Variants in RIN3 observed in about 807,000 individuals in gnomAD.
RIN3 encodes the protein Ras and Rab interactor 3, also known as RAB5 interacting protein 3.
Under a neutral mutation model 76.3 loss-of-function variants are expected in RIN3, and 54 were observed. The observed-to-expected ratio is 0.71, with a 90% CI of 0.57 to 0.89. The LOEUF is 0.89. Ranked by LOEUF, RIN3 falls within the 40% of genes least tolerant of loss-of-function variation. The pLI is 0.00. For synonymous variants in RIN3, 576 were observed against 564.0 expected (o/e 1.02, Z -0.30); for missense variants, 1,256 against 1,322.1 (o/e 0.95, Z 0.78).
intron 5 of RIN3, 134 bp from the exon 6 acceptor site, chr14:92,651,442 ACAACCT>A (rs11278412): frequency 1 from 554,011 of 556,486 alleles, 275,819 homozygotes; most frequent in East Asian, 1. Flanking sequence ...AGAGGGGAAA[ACAACCT>A]CAACCTCGGA....
chr14:92,631,616 G>T (rs569175280), intron 4 of RIN3, among the ~76,000 whole-genome samples: 4 of 151,558 alleles, frequency 2.6e-5, no homozygotes, highest in South Asian at 2.1e-4. Context: ...GGCGGCGGGA[G>T]TGGGGGTTGG....
At chr14:92,528,896 C>T (rs1348466389) in intron 1 of RIN3, among the ~76,000 whole-genome samples, 1 of 152,132 alleles carries the variant, frequency 6.6e-6, no homozygotes, top group Non-Finnish European at 1.5e-5. Flanking sequence ...ATGCAGCTGC[C>T]ACAAGTAGCC....
chr14:92,672,853 C>T lies in RIN3; in HGVS notation c.2336-3622C>T, dbSNP rs577121582. Among the ~76,000 whole-genome samples the T allele has an allele frequency of 2.0e-5, 3 of 152,290 alleles. No individual in the cohort carries two copies. In the East Asian group the frequency reaches 5.8e-4, roughly 29 times the overall value. The stretch of plus-strand genomic sequence containing the variant: ...TTTTCTGCCCAGCTCCAGGCAACCA[C>T]TCATCTGCTTTCTGTTTGTGGGTTT... On this transcript the variant is annotated intron_variant, in intron 7 of 9. Transcript: ENST00000216487.
chr14:92,638,291 C>T (rs114991686), intron 4 of RIN3, among the ~76,000 whole-genome samples: 1 of 152,138 alleles, frequency 6.6e-6, no homozygotes, highest in Non-Finnish European at 1.5e-5. Flanking sequence ...TGGGGCACAC[C>T]CACTAGAGGA....
At chr14:92,636,134 G>A (rs1363582140) in intron 4 of RIN3, among the ~76,000 whole-genome samples, 1 of 152,154 alleles carries the variant, frequency 6.6e-6, no homozygotes, top group Non-Finnish European at 1.5e-5. Context: ...AGGATTTAAA[G>A]AGCTAATATA....
intron 2 of RIN3, among the ~76,000 whole-genome samples, chr14:92,558,226 G>A (rs1011287016): frequency 3.3e-5 from 5 of 152,170 alleles, no homozygotes; most frequent in African/African-American, 1.2e-4. Context: ...GTGTGCACTT[G>A]TAATCCCAGC....
chr14:92,649,438 G>A (rs1449428053), intron 5 of RIN3, among the ~76,000 whole-genome samples: 1 of 151,938 alleles, frequency 6.6e-6, no homozygotes, highest in African/African-American at 2.4e-5. Context: ...ACTCACTCCA[G>A]GGGCCTGTGT....
chr14:92,662,098 G>T (rs1887909200), intron 7 of RIN3, among the ~76,000 whole-genome samples: 1 of 152,258 alleles, frequency 6.6e-6, no homozygotes. Flanking sequence ...GGGACCCAGG[G>T]AAAGAGTCGA....
rs113582548 is a variant in RIN3, at chr14:92,608,825, G to A, written c.368-6582G>A. On this transcript the variant is annotated intron_variant, in intron 3 of 9. Coordinates refer to ENST00000216487, the MANE Select transcript of RIN3 (RefSeq NM_024832.5). ...GCTGGGATTACAGGTGTGAGCCACCGTGCCCAGCCTCTCTCTCTTAGCATT... is the reference window on the plus strand; with the variant it reads ...GCTGGGATTACAGGTGTGAGCCACCATGCCCAGCCTCTCTCTCTTAGCATT... Among the ~76,000 whole-genome samples the A allele has an allele frequency of 9.4e-4, 143 of 152,202 alleles. 1 individual carries two copies. Among genetic ancestry groups the A allele is most frequent in the African/African-American group, 3.1e-3 (127 of 41,522 alleles).
At chr14:92,662,690 C>T (rs1377520894) in intron 7 of RIN3, among the ~76,000 whole-genome samples, 1 of 152,186 alleles carries the variant, frequency 6.6e-6, no homozygotes, top group Non-Finnish European at 1.5e-5. Flanking sequence ...AAGGGTTTTA[C>T]AGACGCTGAG....
intron 4 of RIN3, among the ~76,000 whole-genome samples, chr14:92,621,714 G>A (rs894486662): frequency 3.9e-5 from 6 of 152,140 alleles, no homozygotes; most frequent in South Asian, 2.1e-4. Context: ...AGAAACAATC[G>A]AAAACAAATG....
Position 92,513,853 on chromosome 14 carries a change from A to G in RIN3, c.-80A>G. On this transcript the variant is annotated 5_prime_UTR_variant, in exon 1 of 10. It removes an upstream start codon present in the reference 5' UTR. Transcript: ENST00000216487. ...CTTCCAGAGGGCCAGAGCCAGGGAC[A>G]TGCGGGCGCCCGGGACTCCGCGTTC... is the stretch of plus-strand genomic sequence containing the variant. The G allele has an allele frequency of 1.9e-6, 2 of 1,068,302 alleles. No homozygotes were observed. The highest frequency in any genetic ancestry group is 2.4e-6 in the Non-Finnish European group (2 of 837,312). 66.2% of individuals were successfully genotyped at this position (1,068,302 alleles called of 1,614,324 possible). A position where few individuals can be genotyped will look rare whatever the true frequency, so the allele number is the denominator to read the frequency against.
rs143973441 is a variant in RIN3, at chr14:92,564,694, A to T, written c.249+8739A>T. Among the ~76,000 whole-genome samples the T allele has an allele frequency of 3.9e-5, 6 of 152,300 alleles. No individual in the cohort carries two copies. The East Asian group carries it at 1.2e-3, about 29-fold the overall frequency. On this transcript the variant is annotated intron_variant, in intron 2 of 9. Transcript: ENST00000216487. The stretch of plus-strand genomic sequence containing the variant: ...GCATGGGGGAATCCTAAATCATCAA[A>T]GAAAATCGAACTCTCACAGTGGCAA...
intron 7 of RIN3, among the ~76,000 whole-genome samples, chr14:92,662,519 C>T (rs189644676): frequency 9.5e-4 from 145 of 152,364 alleles, no homozygotes; most frequent in Non-Finnish European, 2.2e-4. Flanking sequence ...GCCACAACCA[C>T]CTTGCAGGCC....
intron 2 of RIN3, among the ~76,000 whole-genome samples, chr14:92,557,859 A>G (rs921639448): frequency 2.0e-5 from 3 of 152,198 alleles, no homozygotes; most frequent in African/African-American, 7.2e-5. Context: ...AACCAGCCCA[A>G]GGGGAAAATT....
At chr14:92,518,686 A>G (rs1255078651) in intron 1 of RIN3, among the ~76,000 whole-genome samples, 1 of 152,102 alleles carries the variant, frequency 6.6e-6, no homozygotes. Context: ...AGCCGGAAGA[A>G]TGGAGAATAG....
intron 1 of RIN3, among the ~76,000 whole-genome samples, chr14:92,550,460 C>T (rs1897393137): frequency 6.6e-6 from 1 of 152,100 alleles, no homozygotes; most frequent in South Asian, 2.1e-4. Flanking sequence ...GTTACCCAGG[C>T]TGGAATGCAA....
At position 92,688,223 on chromosome 14, in the gene RIN3, C is replaced by T; in HGVS notation, c.2929C>T (p.Leu977=). 1.3e-6 allele frequency: 2 copies of T among 1,599,484 alleles called. No individual in the cohort carries two copies. The highest frequency in any genetic ancestry group is 2.2e-5 in the South Asian group (2 of 90,342). ...GGGGGGSPPC[L]VVREPNFL The stretch of plus-strand genomic sequence containing the variant: ...CGGCGGCGGCGGGAGCCCGCCCTGC[C>T]TGGTGGTGCGGGAGCCCAACTTCCT... The change falls in exon 10 of 10, where the codon CTG becomes TTG. Residue 977 remains leucine (L), a synonymous_variant. Transcript: ENST00000216487.
chr14:92,547,673 G>T (rs891030591), intron 1 of RIN3, among the ~76,000 whole-genome samples: 37 of 151,442 alleles, frequency 2.4e-4, no homozygotes, highest in African/African-American at 8.5e-4. Context: ...TGAGATTGCA[G>T]GTGTGAATCA....
Sources: allele counts gnomAD v4.1 joint callset (sites outside exome capture counted in the v4.1 genomes callset), GRCh38; gene constraint gnomAD v4.1.1; transcripts MANE v1.5; gene names NCBI Gene and HGNC (gene_info 2026-07-23, HGNC 2026-07-21).